The following MORC2 variants were observed in gnomAD, a reference collection of about 807,000 sequenced individuals.
MORC2 encodes the protein ATPase MORC2.
MORC2 carries 30 observed loss-of-function variants against 136.0 expected under a neutral mutation model. The ratio of observed to expected loss-of-function variants is 0.22; its 90% CI spans 0.17 to 0.30. The LOEUF (loss-of-function observed/expected upper bound fraction) is 0.30, where lower values mean the gene tolerates loss of function less well. Ranked by LOEUF, MORC2 falls within the 10% of genes least tolerant of loss-of-function variation. The pLI is 1.00. For synonymous variants in MORC2, 439 were observed against 487.0 expected (o/e 0.90, Z 1.30); for missense variants, 922 against 1,333.1 (o/e 0.69, Z 4.80).
chr22:30,929,137 G>A (rs1334091681), intron 24 of MORC2, among the ~76,000 whole-genome samples: 1 of 152,202 alleles, frequency 6.6e-6, no homozygotes, highest in African/African-American at 2.4e-5. Flanking sequence ...AAGATAGCAA[G>A]AGAAACTTCT....
chr22:30,967,585 G>C lies in MORC2; in HGVS notation c.68+237C>G, dbSNP rs1369637432. 3.0e-6 allele frequency: 4 copies of C among 1,336,186 alleles called. No individual in the cohort carries two copies. The African/African-American group carries it at 4.5e-5, about 15-fold the overall frequency. The allele number at this position is 1,336,186 out of a possible 1,614,324, so 82.8% of individuals were successfully genotyped here. ...AACATATTGACTTCAAATAACTAAAGTTTGCATTTAGAAAATTTTGATCCA... is the reference window on the plus strand; with the variant it reads ...AACATATTGACTTCAAATAACTAAACTTTGCATTTAGAAAATTTTGATCCA... On this transcript the variant is annotated intron_variant, in intron 1 of 25. Transcript: ENST00000397641.
At chr22:30,963,406 G>A in intron 1 of MORC2, 1 of 707,100 alleles carries the variant, frequency 1.4e-6, no homozygotes, top group Non-Finnish European at 1.7e-6. Flanking sequence ...TTTTTTGAGA[G>A]ATGGAGTCTT....
chr22:30,928,303 A>G, intron 24 of MORC2, 96 bp from the exon 25 acceptor site: 1 of 1,220,406 alleles, frequency 8.2e-7, no homozygotes, highest in South Asian at 1.3e-5. Context: ...CGCTTTACCC[A>G]AGGATGCCTG....
intron 3 of MORC2, among the ~76,000 whole-genome samples, chr22:30,951,809 ATT>A (rs529409836): frequency 1.4e-5 from 2 of 144,350 alleles, no homozygotes; most frequent in Non-Finnish European, 3.1e-5. Flanking sequence ...TTAAAATGCT[ATT>A]TTTTTTTTTT....
In MORC2 at chr22:30,936,711, T is replaced by C; in HGVS notation, c.1605-68A>G. ...CCAAGCTCGGCAAGGACCTTTCTCT[T>C]CAGCCAGTCTACACTGTCTGTCACA... is the stretch of plus-strand genomic sequence containing the variant. On this transcript the variant is annotated intron_variant, in intron 16 of 25. Transcript: ENST00000397641. 4 of 1,579,952 alleles carry C rather than the reference T, an allele frequency of 2.5e-6. No homozygotes were observed. The African/African-American group carries it at 5.4e-5, about 21-fold the overall frequency.
rs60514280 is a variant in MORC2 at position 30,926,550 on chromosome 22, CAAAAAAAAAAAAAAAAAAAAAA to C, written c.*231_*252del. On this transcript the variant is annotated 3_prime_UTR_variant, in exon 26 of 26. Transcript: ENST00000397641. ...AAGGTTCTCTGTCCTTTGCAGTCAC[CAAAAAAAAAAAAAAAAAAAAAA>C]AAAAAAAAAAAAAAGTATGGTCTCA... The C allele has an allele frequency of 8.7e-3, 225 of 25,786 alleles. 7 individuals carry two copies. The highest frequency in any genetic ancestry group is 0.036 in the African/African-American group (195 of 5,370). 1.6% of individuals were successfully genotyped at this position (25,786 alleles called of 1,614,324 possible). A position where few individuals can be genotyped will look rare whatever the true frequency, so the allele number is the denominator to read the frequency against.
In MORC2 at chr22:30,959,089, T is replaced by C. The variant is rs536965717; in HGVS notation, c.69-395A>G. Among the ~76,000 whole-genome samples the C allele has an allele frequency of 1.1e-4, 17 of 152,388 alleles. No homozygotes were observed. The South Asian group carries it at 2.7e-3, about 24-fold the overall frequency. ...TCTCAGAGCAAGAATTTTAAGGATA[T>C]ATCTTATGCATAAATATTGAACTTT... On this transcript the variant is annotated intron_variant, in intron 1 of 25. Coordinates refer to ENST00000397641, the MANE Select transcript of MORC2 (RefSeq NM_001303256.3).
chr22:30,949,380 G>C lies in MORC2; in HGVS notation c.317+372C>G, dbSNP rs932760517. ...ATGCAGCAGGTGCTCAGGGAACACT[G>C]CTGCACAGTAAGGTGACCCCTTCAT... On this transcript the variant is annotated intron_variant, in intron 5 of 25. Transcript: ENST00000397641. 3.3e-5 allele frequency among the ~76,000 whole-genome samples: 5 copies of C among 152,302 alleles called. No individual in the cohort carries two copies. In the East Asian group the frequency reaches 9.7e-4, roughly 29 times the overall value.
intron 6 of MORC2, among the ~76,000 whole-genome samples, chr22:30,942,702 A>G (rs1394594743): frequency 1.3e-5 from 2 of 152,090 alleles, no homozygotes; most frequent in African/African-American, 4.8e-5. Flanking sequence ...TGTACCAGTA[A>G]ACATGTACAA....
Position 30,932,286 on chromosome 22 carries a change from A to T in MORC2, c.2841+73T>A. 1 of 1,269,588 alleles carries T rather than the reference A, an allele frequency of 7.9e-7. No homozygotes were observed. The highest frequency in any genetic ancestry group is 1.5e-5 in the African/African-American group (1 of 67,548). The allele number at this position is 1,269,588 out of a possible 1,614,324, so 78.6% of individuals were successfully genotyped here. ...CAACAAGCGTAACAATCATAATCAC[A>T]ACAGTTACAACAAATGCAGGGGCAG... On this transcript the variant is annotated intron_variant, in intron 24 of 25. Coordinates refer to ENST00000397641, the MANE Select transcript of MORC2 (RefSeq NM_001303256.3). The surrounding 1 kb of genome is among the most constrained non-coding windows in gnomAD (Gnocchi z 4.4).
At position 30,935,274 on chromosome 22, in the gene MORC2, C is replaced by T; in HGVS notation, c.1786G>A (p.Glu596Lys). ...TCAGTGGAAGGTCTGGTGGTCACTT[C>T]CAAGGGCAATTTCTTCAGGTCTGCT... ...SQADLKKLPL[E>K]VTTRPSTEEP... Residue 596 changes from glutamate (E) to lysine (K), a missense_variant, in exon 18 of 26, where the codon GAA becomes AAA. Around this residue, in one of 9 missense-constraint regions of MORC2, gnomAD observed 184 missense variants for 180.3 expected, o/e 1.02. Transcript: ENST00000397641. The T allele has an allele frequency of 6.2e-7, 1 of 1,613,822 alleles. No homozygotes were observed. Among genetic ancestry groups the T allele is most frequent in the South Asian group, 1.1e-5 (1 of 90,978 alleles).
rs562392125 is a variant in MORC2 at position 30,941,529 on chromosome 22, T to C, written c.728A>G (p.Tyr243Cys). Residue 243 changes from tyrosine to cysteine, a missense_variant, in exon 9 of 26, where the codon TAT becomes TGT. Around this residue, in one of 9 missense-constraint regions of MORC2, gnomAD observed 261 missense variants for 354.3 expected, o/e 0.74. Coordinates refer to ENST00000397641, the MANE Select transcript of MORC2 (RefSeq NM_001303256.3). This position sits in a 1 kb window ranked among gnomAD's most constrained non-coding sequence, Gnocchi z 4.6. ...TKPERRSFRA[Y>C]AAVLYIDPRM... Reference sequence around the variant, plus strand: ...GGGATCAATATAGAGCACAGCGGCATAGGCACGGAACGAGCGCCGCTCTGG... The same window carrying C: ...GGGATCAATATAGAGCACAGCGGCACAGGCACGGAACGAGCGCCGCTCTGG... 8.7e-6 allele frequency: 14 copies of C among 1,614,008 alleles called. No homozygotes were observed. The highest frequency in any genetic ancestry group is 5.0e-5 in the Admixed American group (3 of 60,022).
Position 30,932,928 on chromosome 22 carries a change from A to G in MORC2, c.2483T>C (p.Phe828Ser). ...TGTCGTGTCTGTGGGCACGTAGTCA[A>G]ACTTCACCTTCCACCGCACCACATG... ...GKHVVRWKVK[F>S]DYVPTDTTPR... Residue 828 changes from phenylalanine (F) to serine (S), a missense_variant, in exon 22 of 26, where the codon TTT becomes TCT. By Grantham distance (155) the Phe-to-Ser change is radical. Coordinates refer to ENST00000397641, the MANE Select transcript of MORC2 (RefSeq NM_001303256.3). This position sits in a 1 kb window ranked among gnomAD's most constrained non-coding sequence, Gnocchi z 4.4. The G allele has an allele frequency of 6.2e-7, 1 of 1,614,088 alleles. No individual in the cohort carries two copies. The highest frequency in any genetic ancestry group is 8.5e-7 in the Non-Finnish European group (1 of 1,179,988).
chr22:30,954,952 ATTTTT>A (rs34059352), intron 3 of MORC2, among the ~76,000 whole-genome samples: 2 of 105,320 alleles, frequency 1.9e-5, no homozygotes, highest in African/African-American at 7.4e-5. Context: ...TGGCCTGAGC[ATTTTT>A]TTTTTTTTTT....
intron 13 of MORC2, 25 bp downstream of exon 13, chr22:30,938,040 A>G (rs764920207): frequency 6.2e-7 from 1 of 1,613,996 alleles, no homozygotes; most frequent in Non-Finnish European, 8.5e-7. Context: ...CCTGGGCTAG[A>G]CAGCTCTCTG....
At position 30,932,440 on chromosome 22, in the gene MORC2, C is replaced by A; in HGVS notation, c.2760G>T (p.Arg920=). Residue 920 remains arginine (R), a synonymous_variant, in exon 24 of 26, where the codon CGG becomes CGT. Coordinates refer to ENST00000397641, the MANE Select transcript of MORC2 (RefSeq NM_001303256.3). This position sits in a 1 kb window ranked among gnomAD's most constrained non-coding sequence, Gnocchi z 4.4. ...TGGGGAAACTTGGAGGCAGGAAGTACCGTAAACAATTCCTAAAGAAGGCAG... is the reference window on the plus strand; with the variant it reads ...TGGGGAAACTTGGAGGCAGGAAGTAACGTAAACAATTCCTAAAGAAGGCAG... The part of the protein sequence containing the change: ...LLVQILRNCL[R]YFLPPSFPIS... 1 of 1,613,990 alleles carries A rather than the reference C, an allele frequency of 6.2e-7. No individual in the cohort carries two copies. Among genetic ancestry groups the A allele is most frequent in the Non-Finnish European group, 8.5e-7 (1 of 1,179,892 alleles).
intron 21 of MORC2, 22 bp downstream of exon 21, chr22:30,933,444 C>T (rs1470093616): frequency 6.2e-7 from 1 of 1,612,950 alleles, no homozygotes; most frequent in Non-Finnish European, 8.5e-7. Flanking sequence ...CCACAGGCTG[C>T]CAAGTCACTC....
chr22:30,928,005 G>A lies in MORC2; in HGVS notation c.3030+14C>T, dbSNP rs769548376. On this transcript the variant is annotated intron_variant, in intron 25 of 25. Transcript: ENST00000397641. ...CAGGTGGTCCAGCTGCAACAGGAAG[G>A]CTGCCGGGCTCACCTCCTGCACCTT... 5 of 1,612,150 alleles carry A rather than the reference G, an allele frequency of 3.1e-6. No homozygotes were observed. The African/African-American group carries it at 5.3e-5, about 17-fold the overall frequency.
At chr22:30,936,716 C>G (rs2147253207) in intron 16 of MORC2, 73 bp from the exon 17 acceptor site, 1 of 1,564,500 alleles carries the variant, frequency 6.4e-7, no homozygotes, top group Middle Eastern at 1.8e-4. Flanking sequence ...TCTCTTCAGC[C>G]AGTCTACACT....
Sources: allele counts gnomAD v4.1 joint callset (sites outside exome capture counted in the v4.1 genomes callset), GRCh38; gene constraint gnomAD v4.1.1; regional missense constraint gnomAD v4.1.1; non-coding constraint Gnocchi (gnomAD v3.1); transcripts MANE v1.5; gene names NCBI Gene and HGNC (gene_info 2026-07-23, HGNC 2026-07-21).